OAS2: variants seen among roughly 807,000 people sequenced by gnomAD.
OAS2 encodes 2'-5'-oligoadenylate synthetase 2, also known as 2'-5'-oligoadenylate synthase 2.
Under a neutral mutation model 71.3 loss-of-function variants are expected in OAS2, and 67 were observed. The ratio of observed to expected loss-of-function variants is 0.94; its 90% CI spans 0.77 to 1.15. The LOEUF is 1.15. Among genes scored for constraint, OAS2 ranks in the 50% most tolerant of loss-of-function variants. OAS2 has a pLI of 0.00. For synonymous variants in OAS2, 327 were observed against 321.8 expected (o/e 1.02, Z -0.17); for missense variants, 789 against 822.5 (o/e 0.96, Z 0.50).
At position 112,998,383 on chromosome 12, in the gene OAS2, G is replaced by A. The variant is rs1022320387; in HGVS notation, c.981G>A (p.Glu327=). The part of the protein sequence containing the change: ...TWLTSPNLDN[E]LPAPSWNVLP... ...TGACTTCTCCCAACCTGGATAATGA[G>A]TTACCTGCACCATCTTGGAATGTTC... The change falls in exon 5 of 10, where the codon GAG becomes GAA. Residue 327 remains glutamate (E), a synonymous_variant. Transcript: ENST00000392583. The A allele has an allele frequency of 2.5e-6, 4 of 1,611,444 alleles. No homozygotes were observed. The highest frequency in any genetic ancestry group is 2.2e-5 in the South Asian group (2 of 90,398).
intron 2 of OAS2, among the ~76,000 whole-genome samples, chr12:112,993,106 AC>A (rs58958747): frequency 0.11 from 17,136 of 152,156 alleles, 1,038 homozygotes; most frequent in Middle Eastern, 0.15. Context: ...GAGAAAAGCA[AC>A]CTACAGGGGA....
chr12:113,007,403 G>T (rs150832033), intron 8 of OAS2, among the ~76,000 whole-genome samples: 10 of 152,312 alleles, frequency 6.6e-5, no homozygotes, highest in Non-Finnish European at 1.0e-4. Context: ...CTGCATTGTG[G>T]GGAAGATTAG....
chr12:113,006,056 G>A (rs2044332423), intron 7 of OAS2, among the ~76,000 whole-genome samples: 1 of 151,748 alleles, frequency 6.6e-6, no homozygotes, highest in African/African-American at 2.4e-5. Flanking sequence ...TTCTATGTCT[G>A]GGTTCTACAA....
At chr12:113,006,359 T>A in intron 7 of OAS2, 54 bp from the exon 8 acceptor site, 1 of 1,381,720 alleles carries the variant, frequency 7.2e-7, no homozygotes, top group African/African-American at 1.4e-5. Flanking sequence ...TGTTTTGGAA[T>A]CTGTTACTTA....
chr12:113,008,753 A>G (rs1350000955), intron 9 of OAS2, among the ~76,000 whole-genome samples: 1 of 152,046 alleles, frequency 6.6e-6, no homozygotes, highest in Non-Finnish European at 1.5e-5. Flanking sequence ...CAGCCTCCGA[A>G]GTAGCTGGGA....
chr12:112,989,417 G>C (rs1466171624), intron 2 of OAS2, among the ~76,000 whole-genome samples: 1 of 152,210 alleles, frequency 6.6e-6, no homozygotes, highest in Non-Finnish European at 1.5e-5. Flanking sequence ...GGAGACATGA[G>C]ACATCAATCA....
rs745604211 is a variant in OAS2 at position 112,997,655 on chromosome 12, A to G, written c.763A>G (p.Ile255Val). 1 of 1,614,118 alleles carries G rather than the reference A, an allele frequency of 6.2e-7. No homozygotes were observed. Among genetic ancestry groups the G allele is most frequent in the East Asian group, 2.2e-5 (1 of 44,876 alleles). Residue 255 changes from isoleucine (I) to valine (V), a missense_variant, in exon 4 of 10, where the codon ATC becomes GTC. By Grantham distance (29) the Ile-to-Val change is conservative. Coordinates refer to ENST00000392583, the MANE Select transcript of OAS2 (RefSeq NM_002535.3). ...AEGVRTVLEL[I>V]KCQEKLCIYW... ...AGGCGTCAGAACCGTACTGGAGCTG[A>G]TCAAATGCCAGGAGAAGCTGTGTAT...
Position 113,011,571 on chromosome 12 carries a change from C to T in OAS2, c.*2316C>T, listed in dbSNP as rs1407511073. The T allele has an allele frequency of 6.6e-6, 1 of 152,252 alleles. No individual in the cohort carries two copies. Among genetic ancestry groups the T allele is most frequent in the Non-Finnish European group, 1.5e-5 (1 of 68,048 alleles). The allele number at this position is 152,252 out of a possible 1,614,324, so 9.4% of individuals were successfully genotyped here. ...CTTGGGGAGCTTCCTGATTGGCAGA[C>T]ATTCCAATGTACTAGGAAGGTAGCG... On this transcript the variant is annotated 3_prime_UTR_variant, in exon 10 of 10. Coordinates refer to ENST00000392583, the MANE Select transcript of OAS2 (RefSeq NM_002535.3).
Position 113,006,473 on chromosome 12 carries a change from A to G in OAS2, c.1529A>G (p.Tyr510Cys). Residue 510 changes from tyrosine to cysteine, a missense_variant, in exon 8 of 10, where the codon TAT becomes TGT. Transcript: ENST00000392583. ...PEVYAGLIDL[Y>C]KSSDLPGGEF... The stretch of plus-strand genomic sequence containing the variant: ...GTTTATGCAGGGCTCATTGATCTGT[A>G]TAAATCCTCGGACCTCCCGGGAGGA... 6.2e-7 allele frequency: 1 copy of G among 1,613,326 alleles called. No homozygotes were observed. Among genetic ancestry groups the G allele is most frequent in the African/African-American group, 1.3e-5 (1 of 75,020 alleles).
In OAS2 at chr12:112,990,168, G is replaced by T. The variant is rs965527720; in HGVS notation, c.448+2860G>T. ...CAAACTCTGTAAAATATTTTAAGAG[G>T]TTTTTTCTGAGCCAAATATGAGGAC... On this transcript the variant is annotated intron_variant, in intron 2 of 9. Coordinates refer to ENST00000392583, the MANE Select transcript of OAS2 (RefSeq NM_002535.3). 2.6e-4 allele frequency among the ~76,000 whole-genome samples: 40 copies of T among 152,166 alleles called. 1 individual carries two copies. Among genetic ancestry groups the T allele is most frequent in the Admixed American group, 6.5e-5 (1 of 15,284 alleles).
chr12:113,005,947 A>C (rs987459312), intron 7 of OAS2, among the ~76,000 whole-genome samples: 4 of 147,944 alleles, frequency 2.7e-5, no homozygotes, highest in Admixed American at 6.8e-5. Flanking sequence ...AAAAAAAAAA[A>C]AAAACAAGAA....
At chr12:113,005,902 A>AC (rs1260313436) in intron 7 of OAS2, among the ~76,000 whole-genome samples, 7 of 80,220 alleles carry the variant, frequency 8.7e-5, no homozygotes, top group South Asian at 5.9e-4. Context: ...AAAAAAGCAA[A>AC]AAACAACAAC....
chr12:113,006,494 G>A lies in OAS2; in HGVS notation c.1550G>A (p.Gly517Glu). The change falls in exon 8 of 10, where the codon GGA becomes GAA. Residue 517 changes from glycine to glutamate, a missense_variant. Physicochemically the swap from Gly to Glu is moderately conservative, Grantham distance 98 (BLOSUM62 -2). Coordinates refer to ENST00000392583, the MANE Select transcript of OAS2 (RefSeq NM_002535.3). ...IDLYKSSDLP[G>E]GEFSTCFTVL... ...CTGTATAAATCCTCGGACCTCCCGG[G>A]AGGAGAGTTTTCTACCTGTTTCACA... 1 of 1,613,688 alleles carries A rather than the reference G, an allele frequency of 6.2e-7. No homozygotes were observed. The highest frequency in any genetic ancestry group is 8.5e-7 in the Non-Finnish European group (1 of 1,179,652).
At chr12:112,990,618 A>G (rs7137788) in intron 2 of OAS2, among the ~76,000 whole-genome samples, 1,708 of 152,300 alleles carry the variant, frequency 0.011, 35 homozygotes, top group East Asian at 0.068. Context: ...CAGAATGTGA[A>G]TTTTTCCACA....
At chr12:112,999,304 CTTA>C (rs2136388908) in intron 5 of OAS2, among the ~76,000 whole-genome samples, 1 of 152,334 alleles carries the variant, frequency 6.6e-6, no homozygotes, top group East Asian at 1.9e-4. Context: ...ATGCTCAGTG[CTTA>C]TTAGAGAAAA....
intron 9 of OAS2, 107 bp downstream of exon 9, chr12:113,008,050 G>A (rs1023040668): frequency 1.4e-5 from 11 of 808,898 alleles, no homozygotes; most frequent in Admixed American, 9.7e-5. Context: ...CTTGCATGAC[G>A]GGGGAAAGTG....
In OAS2 at chr12:113,009,104, C is replaced by T. The variant is rs1381969540; in HGVS notation, c.1913C>T (p.Pro638Leu). The change falls in exon 10 of 10, where the codon CCA becomes CTA. Residue 638 changes from proline to leucine, a missense_variant. By Grantham distance (98) the Pro-to-Leu change is moderately conservative. Transcript: ENST00000392583. ...LQKTRPVILD[P>L]AEPTGDVGGG... ...TCATTCAGGCCTGTGATCTTGGACC[C>T]AGCCGAACCCACAGGTGACGTGGGT... 6.2e-7 allele frequency: 1 copy of T among 1,613,542 alleles called. No homozygotes were observed. The highest frequency in any genetic ancestry group is 1.3e-5 in the African/African-American group (1 of 75,002).
chr12:113,009,870 A>T lies in OAS2; in HGVS notation c.*615A>T, dbSNP rs776015970. On this transcript the variant is annotated 3_prime_UTR_variant, in exon 10 of 10. Transcript: ENST00000392583. ...CTCTCCAAAGCCCTCCCTACCTACCAAGATATACCTGATATATTCCACCAG... is the reference window on the plus strand; with the variant it reads ...CTCTCCAAAGCCCTCCCTACCTACCTAGATATACCTGATATATTCCACCAG... 8.1e-6 allele frequency: 8 copies of T among 986,598 alleles called. No homozygotes were observed. The highest frequency in any genetic ancestry group is 9.6e-6 in the Non-Finnish European group (8 of 830,894). The allele number at this position is 986,598 out of a possible 1,614,324, so 61.1% of individuals were successfully genotyped here.
chr12:113,005,634 G>A (rs1420492336), intron 7 of OAS2, among the ~76,000 whole-genome samples: 3 of 151,766 alleles, frequency 2.0e-5, no homozygotes, highest in African/African-American at 4.8e-5. Flanking sequence ...TTGGGAGGCC[G>A]AGGCGGGAAG....
Sources: gnomAD v4.1 joint callset for allele counts (sites outside exome capture counted in the v4.1 genomes callset) on GRCh38, gnomAD v4.1.1 for gene constraint, MANE v1.5 for transcripts, NCBI Gene and HGNC (gene_info 2026-07-23, HGNC 2026-07-21) for gene names.